DEPTOR: variants seen among roughly 807,000 people sequenced by gnomAD.
DEPTOR encodes DEP domain-containing mTOR-interacting protein.
Under a neutral mutation model 41.6 loss-of-function variants are expected in DEPTOR, and 41 were observed. The ratio of observed to expected loss-of-function variants is 0.98; its 90% CI spans 0.77 to 1.28. DEPTOR has a LOEUF of 1.28. Among genes scored for constraint, DEPTOR ranks in the 50% most tolerant of loss-of-function variants. The probability of loss-of-function intolerance (pLI) is 0.00; values close to 1 mark genes in which losing one functional copy is unlikely to be tolerated. For synonymous variants in DEPTOR, 195 were observed against 192.3 expected (o/e 1.01, Z -0.12); for missense variants, 514 against 527.9 (o/e 0.97, Z 0.26).
intron 8 of DEPTOR, among the ~76,000 whole-genome samples, chr8:120,037,095 G>C (rs538115222): frequency 6.6e-6 from 1 of 152,308 alleles, no homozygotes; most frequent in East Asian, 1.9e-4. Context: ...ATGGACCCAT[G>C]CAATGGTTTG....
chr8:119,888,225 A>G (rs1827398927), intron 1 of DEPTOR, among the ~76,000 whole-genome samples: 1 of 152,140 alleles, frequency 6.6e-6, no homozygotes, highest in Non-Finnish European at 1.5e-5. Context: ...TCCTTCTAGG[A>G]GAAACAACTC....
intron 3 of DEPTOR, among the ~76,000 whole-genome samples, chr8:119,936,430 C>A (rs1563970345): frequency 6.6e-6 from 1 of 152,158 alleles, no homozygotes; most frequent in Non-Finnish European, 1.5e-5. Flanking sequence ...GCAACAATAG[C>A]CAGAATTCAC....
intron 8 of DEPTOR, among the ~76,000 whole-genome samples, chr8:120,042,606 C>T (rs957622282): frequency 1.3e-5 from 2 of 152,140 alleles, no homozygotes; most frequent in Admixed American, 6.5e-5. Flanking sequence ...GCAACTTCCG[C>T]CTCCCAGGTT....
intron 4 of DEPTOR, among the ~76,000 whole-genome samples, chr8:119,984,679 T>C (rs1167332062): frequency 6.6e-6 from 1 of 152,196 alleles, no homozygotes; most frequent in African/African-American, 2.4e-5. Context: ...TGAGGGACAT[T>C]TGGGTTGGTT....
chr8:119,972,416 A>G (rs1379141319), intron 4 of DEPTOR, among the ~76,000 whole-genome samples: 2 of 152,140 alleles, frequency 1.3e-5, no homozygotes, highest in African/African-American at 4.8e-5. Flanking sequence ...TGAGGTCAGG[A>G]GTTCAAGACC....
intron 1 of DEPTOR, among the ~76,000 whole-genome samples, chr8:119,910,353 C>T (rs1827720888): frequency 6.6e-6 from 1 of 152,204 alleles, no homozygotes; most frequent in Non-Finnish European, 1.5e-5. Context: ...TGTGAAATAG[C>T]ATTTTATTAC....
intron 4 of DEPTOR, among the ~76,000 whole-genome samples, chr8:119,977,928 G>T (rs1488297097): frequency 6.6e-6 from 1 of 151,842 alleles, no homozygotes; most frequent in East Asian, 1.9e-4. Flanking sequence ...CAAAGTTCTG[G>T]GATTACAGGC....
rs1040915119 is a variant in DEPTOR at position 120,050,689 on chromosome 8, A to G, written c.*985A>G. The G allele has an allele frequency of 1.2e-4, 19 of 152,304 alleles. No individual in the cohort carries two copies. Among genetic ancestry groups the G allele is most frequent in the African/African-American group, 4.6e-4 (19 of 41,558 alleles). The allele number at this position is 152,304 out of a possible 1,614,324, so 9.4% of individuals were successfully genotyped here. ...TATTTGGGGGGATTATTTTTCACCA[A>G]AATGATCATCTTGTGTTGTAACTTT... On this transcript the variant is annotated 3_prime_UTR_variant, in exon 9 of 9. Coordinates refer to ENST00000286234, the MANE Select transcript of DEPTOR (RefSeq NM_022783.4).
intron 1 of DEPTOR, among the ~76,000 whole-genome samples, chr8:119,909,948 T>C (rs1334750587): frequency 3.3e-5 from 5 of 152,360 alleles, no homozygotes; most frequent in Admixed American, 3.3e-4. Context: ...CTGGATAATC[T>C]GGAGCTACCA....
chr8:120,034,437 C>CTTTTTTT (rs1563598678), intron 8 of DEPTOR, among the ~76,000 whole-genome samples: 1 of 129,402 alleles, frequency 7.7e-6, no homozygotes, highest in African/African-American at 3.0e-5. Context: ...CTTTTTTTTC[C>CTTTTTTT]TTTTTCTTTT....
intron 2 of DEPTOR, 69 bp downstream of exon 2, chr8:119,928,647 C>T: frequency 6.7e-7 from 1 of 1,499,302 alleles, no homozygotes; most frequent in Middle Eastern, 1.8e-4. Context: ...TGAACATACC[C>T]ACTTAAGAAA....
intron 1 of DEPTOR, among the ~76,000 whole-genome samples, chr8:119,889,185 C>T (rs534968054): frequency 6.6e-6 from 1 of 152,028 alleles, no homozygotes; most frequent in Non-Finnish European, 1.5e-5. Context: ...ATCAGGCATC[C>T]TTGGCAAAGA....
intron 4 of DEPTOR, among the ~76,000 whole-genome samples, chr8:119,994,266 A>G (rs1029280476): frequency 6.6e-6 from 1 of 152,196 alleles, no homozygotes; most frequent in African/African-American, 2.4e-5. Context: ...CAGTGAGCCA[A>G]AATCGCACCA....
chr8:119,980,354 G>A lies in DEPTOR; in HGVS notation c.604+14944G>A, dbSNP rs149830702. Among the ~76,000 whole-genome samples, 22 of 152,222 alleles carry A rather than the reference G, an allele frequency of 1.4e-4. No individual in the cohort carries two copies. In the East Asian group the frequency reaches 3.9e-3, roughly 27 times the overall value. On this transcript the variant is annotated intron_variant, in intron 4 of 8. Transcript: ENST00000286234. ...ATCAGACTCACATTTCAAGGCTCAC[G>A]TGGCTAGTGGCTGCCATCTTGGAGA...
At chr8:120,030,655 C>T (rs1045511105) in intron 8 of DEPTOR, among the ~76,000 whole-genome samples, 1 of 151,470 alleles carries the variant, frequency 6.6e-6, no homozygotes, top group Non-Finnish European at 1.5e-5. Context: ...TAGAGGACTG[C>T]CACCACACCC....
At chr8:119,984,830 T>C (rs936627664) in intron 4 of DEPTOR, among the ~76,000 whole-genome samples, 8 of 152,214 alleles carry the variant, frequency 5.3e-5, no homozygotes, top group Non-Finnish European at 1.2e-4. Flanking sequence ...TCTAGATCCT[T>C]GAGGAATTGC....
intron 4 of DEPTOR, among the ~76,000 whole-genome samples, chr8:119,980,468 C>A (rs1190101743): frequency 8.9e-5 from 6 of 67,494 alleles, no homozygotes; most frequent in Non-Finnish European, 1.9e-4. Flanking sequence ...CTTTTCTTTT[C>A]TTTTCTTTTC....
intron 8 of DEPTOR, among the ~76,000 whole-genome samples, chr8:120,011,885 G>C (rs1376398031): frequency 6.6e-6 from 1 of 152,058 alleles, no homozygotes; most frequent in Non-Finnish European, 1.5e-5. Context: ...ATGTTATAGA[G>C]CTTTACAGAG....
At chr8:119,908,650 G>A (rs190452645) in intron 1 of DEPTOR, among the ~76,000 whole-genome samples, 2 of 151,352 alleles carry the variant, frequency 1.3e-5, no homozygotes, top group African/African-American at 2.5e-5. Context: ...ACAGGCATGC[G>A]TCATCCCGCC....
Sources: allele counts gnomAD v4.1 joint callset (sites outside exome capture counted in the v4.1 genomes callset), GRCh38; gene constraint gnomAD v4.1.1; transcripts MANE v1.5; gene names NCBI Gene and HGNC (gene_info 2026-07-23, HGNC 2026-07-21).